Variants in CTNND2 observed in about 807,000 individuals in gnomAD.
The protein encoded by CTNND2 is catenin delta-2.
In CTNND2, 22 loss-of-function variants were observed where a neutral mutation model predicts 144.4. The observed-to-expected ratio is 0.15, with a 90% CI of 0.11 to 0.22. The LOEUF (loss-of-function observed/expected upper bound fraction) is 0.22. CTNND2 is among the 10% of genes least tolerant of loss of function. The pLI, the probability that CTNND2 is intolerant of heterozygous loss-of-function variation, is 1.00. For synonymous variants in CTNND2, 751 were observed against 695.6 expected, an observed-to-expected ratio of 1.08 and a Z score of -1.25; for missense variants, 1,353 against 1,618.8, an observed-to-expected ratio of 0.84 and a Z score of 2.82.
chr5:11,313,722 G>A (rs550407475), intron 9 of CTNND2, among the ~76,000 whole-genome samples: 45 of 152,280 alleles, frequency 3.0e-4, no homozygotes, highest in Admixed American at 3.9e-4. Context: ...ATTTGCAACC[G>A]GTAATTGCAA....
At chr5:11,415,383 G>A (rs1761859904) in intron 3 of CTNND2, among the ~76,000 whole-genome samples, 1 of 152,120 alleles carries the variant, frequency 6.6e-6, no homozygotes, top group South Asian at 2.1e-4. Flanking sequence ...GCAGGGGGAT[G>A]GTTTGAGGCC....
intron 3 of CTNND2, among the ~76,000 whole-genome samples, chr5:11,507,086 G>A (rs960063183): frequency 2.6e-5 from 4 of 152,008 alleles, no homozygotes; most frequent in East Asian, 1.9e-4. Context: ...ATCACCTTTC[G>A]CAGGGACCAC....
Position 11,110,848 on chromosome 5 carries a change from C to A in CTNND2, c.2463+10G>T, listed in dbSNP as rs1752891702. The A allele has an allele frequency of 2.5e-6, 4 of 1,607,284 alleles. No homozygotes were observed. The highest frequency in any genetic ancestry group is 3.4e-6 in the Non-Finnish European group (4 of 1,177,406). Reference sequence around the variant, plus strand: ...GATAATTGCATGCAGCTGCAAGCAGCCTGCATCACCTGATCTTGGGATTTC... The same window carrying A: ...GATAATTGCATGCAGCTGCAAGCAGACTGCATCACCTGATCTTGGGATTTC... On this transcript the variant is annotated intron_variant, in intron 14 of 21. Transcript: ENST00000304623.
chr5:11,848,446 G>T (rs1397141103), intron 1 of CTNND2, among the ~76,000 whole-genome samples: 1 of 152,164 alleles, frequency 6.6e-6, no homozygotes, highest in African/African-American at 2.4e-5. Flanking sequence ...GTTTGATGTT[G>T]TAGCATGGGA....
intron 15 of CTNND2, among the ~76,000 whole-genome samples, chr5:11,083,113 G>A (rs1432248098): frequency 6.6e-6 from 1 of 152,228 alleles, no homozygotes; most frequent in Non-Finnish European, 1.5e-5. Context: ...ACTTGAAGTT[G>A]AAAGCCATTT....
intron 1 of CTNND2, among the ~76,000 whole-genome samples, chr5:11,837,537 T>G (rs929132262): frequency 6.6e-6 from 1 of 152,200 alleles, no homozygotes; most frequent in Admixed American, 6.5e-5. Context: ...GAATCTCCAT[T>G]CGTAGCTGGA....
At chr5:11,762,355 G>A (rs10866484) in intron 1 of CTNND2, among the ~76,000 whole-genome samples, 133,572 of 152,094 alleles carry the variant, frequency 0.88, 60,762 homozygotes, top group Non-Finnish European at 0.99. Context: ...GAATAGAAAC[G>A]TAAGTTTTGG....
At chr5:11,244,632 T>C (rs1742810730) in intron 9 of CTNND2, among the ~76,000 whole-genome samples, 1 of 152,208 alleles carries the variant, frequency 6.6e-6, no homozygotes, top group Admixed American at 6.5e-5. Context: ...ACATGGCTTT[T>C]ATATAAACAA....
intron 10 of CTNND2, among the ~76,000 whole-genome samples, chr5:11,224,190 T>G (rs1236919342): frequency 6.6e-6 from 1 of 152,164 alleles, no homozygotes; most frequent in African/African-American, 2.4e-5. Flanking sequence ...CTTCTTATTA[T>G]CTCCTCCACT....
At chr5:10,984,982 G>C (rs1354883815) in intron 20 of CTNND2, among the ~76,000 whole-genome samples, 1 of 152,170 alleles carries the variant, frequency 6.6e-6, no homozygotes, top group Non-Finnish European at 1.5e-5. Flanking sequence ...GCTGAGGCAG[G>C]AGAATTGCTT....
intron 6 of CTNND2, among the ~76,000 whole-genome samples, chr5:11,388,756 G>A (rs1232697408): frequency 1.3e-5 from 2 of 152,146 alleles, no homozygotes; most frequent in African/African-American, 4.8e-5. Flanking sequence ...CACAATCATA[G>A]GACAGTTTAT....
At chr5:11,095,477 T>C (rs1403128350) in intron 15 of CTNND2, among the ~76,000 whole-genome samples, 2 of 152,234 alleles carry the variant, frequency 1.3e-5, no homozygotes, top group Admixed American at 6.5e-5. Flanking sequence ...TAGACATTAA[T>C]AAATAGAAAA....
At chr5:11,491,515 G>A (rs1009280186) in intron 3 of CTNND2, among the ~76,000 whole-genome samples, 1 of 152,266 alleles carries the variant, frequency 6.6e-6, no homozygotes. Context: ...CTAGGAAGGG[G>A]CACAGCTGGG....
intron 1 of CTNND2, among the ~76,000 whole-genome samples, chr5:11,864,771 C>T (rs984117486): frequency 6.6e-6 from 1 of 152,106 alleles, no homozygotes; most frequent in African/African-American, 2.4e-5. Flanking sequence ...AAATGCCTCC[C>T]GTCAGTGCTC....
intron 1 of CTNND2, among the ~76,000 whole-genome samples, chr5:11,853,532 C>G (rs1012764276): frequency 4.6e-5 from 7 of 152,160 alleles, no homozygotes; most frequent in Non-Finnish European, 7.3e-5. Context: ...CTGCCCACAC[C>G]TGGACCTTGA....
chr5:11,278,371 C>T (rs542539494), intron 9 of CTNND2, among the ~76,000 whole-genome samples: 2 of 152,300 alleles, frequency 1.3e-5, no homozygotes, highest in East Asian at 3.9e-4. Context: ...TGGAGCACCT[C>T]TTATGTGCCA....
intron 5 of CTNND2, among the ~76,000 whole-genome samples, chr5:11,411,101 T>G (rs572633697): frequency 6.6e-6 from 1 of 152,170 alleles, no homozygotes; most frequent in African/African-American, 2.4e-5. Context: ...CTCAAACTCT[T>G]GACCTTGTGA....
chr5:11,279,691 G>A (rs902968593), intron 9 of CTNND2, among the ~76,000 whole-genome samples: 3 of 152,164 alleles, frequency 2.0e-5, no homozygotes, highest in South Asian at 2.1e-4. Context: ...TAACTGGCTC[G>A]TGGTTCTGCA....
intron 2 of CTNND2, among the ~76,000 whole-genome samples, chr5:11,685,445 T>C (rs1784604932): frequency 1.3e-5 from 2 of 152,228 alleles, no homozygotes. Flanking sequence ...AGGTAATATT[T>C]GATTGTATGT....
Sources: gnomAD v4.1 joint callset for allele counts (sites outside exome capture counted in the v4.1 genomes callset) on GRCh38, gnomAD v4.1.1 for gene constraint, MANE v1.5 for transcripts, NCBI Gene and HGNC (gene_info 2026-07-23, HGNC 2026-07-21) for gene names.